The following IL22RA1 variants were observed in gnomAD, a reference collection of about 807,000 sequenced individuals.
IL22RA1 encodes the protein interleukin 22 receptor subunit alpha 1.
IL22RA1 carries 25 observed loss-of-function variants against 32.8 expected under a neutral mutation model. The observed-to-expected ratio is 0.76, with a 90% CI of 0.55 to 1.06. The LOEUF is 1.06. Ranked by LOEUF, IL22RA1 falls within the 50% of genes least tolerant of loss-of-function variation. The probability of loss-of-function intolerance (pLI) is 0.00; values close to 1 mark genes in which losing one functional copy is unlikely to be tolerated. For synonymous variants in IL22RA1, 305 were observed against 305.0 expected (o/e 1.00, Z 0.00); for missense variants, 709 against 727.4 (o/e 0.97, Z 0.29).
chr1:24,120,445 G>A lies in IL22RA1; in HGVS notation c.*360C>T. The A allele has an allele frequency of 5.0e-6, 1 of 201,738 alleles. No homozygotes were observed. The allele number at this position is 201,738 out of a possible 1,614,324, so 12.5% of individuals were successfully genotyped here. ...CTGGCCAGGAATGGGGCAAGGAGAG[G>A]CAAATTCCCTGAGCACTTTGAATCC... On this transcript the variant is annotated 3_prime_UTR_variant, in exon 7 of 7. Coordinates refer to ENST00000270800, the MANE Select transcript of IL22RA1 (RefSeq NM_021258.4).
intron 3 of IL22RA1, among the ~76,000 whole-genome samples, chr1:24,136,395 A>G (rs1644242651): frequency 6.6e-6 from 1 of 152,232 alleles, no homozygotes; most frequent in African/African-American, 2.4e-5. Flanking sequence ...CAGTAATTGC[A>G]GCGTGTGATC....
At chr1:24,126,561 G>A (rs1055641423) in intron 5 of IL22RA1, among the ~76,000 whole-genome samples, 3 of 152,134 alleles carry the variant, frequency 2.0e-5, no homozygotes, top group African/African-American at 2.4e-5. Context: ...TTCCTCACAC[G>A]GTACTTCTCT....
rs1456858704 is a variant in IL22RA1 at position 24,120,837 on chromosome 1, C to G, written c.1693G>C (p.Gly565Arg). The G allele has an allele frequency of 6.2e-7, 1 of 1,613,100 alleles. No individual in the cohort carries two copies. Among genetic ancestry groups the G allele is most frequent in the African/African-American group, 1.3e-5 (1 of 74,914 alleles). The stretch of plus-strand genomic sequence containing the variant: ...TCCCACTGCACAGTCAGGGCCAGGC[C>G]TCTGAAAAGAGAATCCAGTTCTGTG... ...QPTELDSLFR[G>R]LALTVQWES is the part of the protein sequence containing the mutation. Residue 565 changes from glycine to arginine, a missense_variant, in exon 7 of 7, where the codon GGC becomes CGC. Transcript: ENST00000270800.
At chr1:24,138,816 GT>G in intron 1 of IL22RA1, 102 bp from the exon 2 acceptor site, 1 of 1,426,160 alleles carries the variant, frequency 7.0e-7, no homozygotes, top group Non-Finnish European at 9.5e-7. Context: ...TTCATGCAAA[GT>G]GCCTTTGCTT....
chr1:24,122,145 C>T lies in IL22RA1; in HGVS notation c.793-408G>A, dbSNP rs139226736. Among the ~76,000 whole-genome samples the T allele has an allele frequency of 5.5e-3, 833 of 152,174 alleles. 10 individuals are homozygous for T. Among genetic ancestry groups the T allele is most frequent in the South Asian group, 0.023 (111 of 4,822 alleles). ...GGGAAAAGAAGGAGCCAGGAGAGACCGGGAGAGCTTTACAGAAAATGCTTC... is the reference window on the plus strand; with the variant it reads ...GGGAAAAGAAGGAGCCAGGAGAGACTGGGAGAGCTTTACAGAAAATGCTTC... On this transcript the variant is annotated intron_variant, in intron 6 of 6. Coordinates refer to ENST00000270800, the MANE Select transcript of IL22RA1 (RefSeq NM_021258.4).
At chr1:24,121,901 G>T (rs902613486) in intron 6 of IL22RA1, among the ~76,000 whole-genome samples, 164 bp from the exon 7 acceptor site, 1 of 152,160 alleles carries the variant, frequency 6.6e-6, no homozygotes, top group Non-Finnish European at 1.5e-5. Flanking sequence ...TCCTCTAGGT[G>T]CAAGTGCCTC....
intron 1 of IL22RA1, among the ~76,000 whole-genome samples, chr1:24,139,954 G>A (rs748476604): frequency 1.3e-5 from 2 of 152,248 alleles, no homozygotes; most frequent in Non-Finnish European, 1.5e-5. Context: ...CAATGGTGGA[G>A]GAGGCGCTCT....
intron 3 of IL22RA1, 152 bp from the exon 4 acceptor site, chr1:24,134,538 G>A (rs1644229119): frequency 3.6e-6 from 2 of 560,212 alleles, no homozygotes; most frequent in Non-Finnish European, 5.6e-6. Flanking sequence ...AACAAACAGT[G>A]AAAAGAGAAA....
intron 5 of IL22RA1, among the ~76,000 whole-genome samples, chr1:24,126,780 T>C (rs750577924): frequency 2.0e-5 from 3 of 152,110 alleles, no homozygotes; most frequent in South Asian, 4.1e-4. Context: ...CCTCCGTCTA[T>C]GAAAAGAAAC....
At chr1:24,134,162 G>A (rs752607261) in intron 4 of IL22RA1, 49 bp downstream of exon 4, 1 of 1,512,482 alleles carries the variant, frequency 6.6e-7, no homozygotes, top group Non-Finnish European at 9.0e-7. Context: ...TAATTGGGAG[G>A]GAAGAGGCTT....
At chr1:24,130,135 T>C (rs952081594) in intron 4 of IL22RA1, among the ~76,000 whole-genome samples, 19 of 152,100 alleles carry the variant, frequency 1.2e-4, no homozygotes, top group Non-Finnish European at 2.4e-4. Context: ...GGAGAGAAAA[T>C]AAAAGCAGGC....
chr1:24,122,121 G>A (rs1644128682), intron 6 of IL22RA1, among the ~76,000 whole-genome samples: 1 of 152,118 alleles, frequency 6.6e-6, no homozygotes, highest in Non-Finnish European at 1.5e-5. Context: ...GGTCAGGGTG[G>A]GAAAAGAAGG....
intron 4 of IL22RA1, among the ~76,000 whole-genome samples, chr1:24,133,564 C>A (rs1644221012): frequency 6.6e-6 from 1 of 152,152 alleles, no homozygotes. Flanking sequence ...TGCCTTCCAC[C>A]TCTTATTATT....
chr1:24,142,863 C>T (rs1346418304), intron 1 of IL22RA1, among the ~76,000 whole-genome samples, 177 bp downstream of exon 1: 1 of 152,210 alleles, frequency 6.6e-6, no homozygotes, highest in Non-Finnish European at 1.5e-5. Context: ...CTCTCATGCC[C>T]CCAGCAAACT....
At chr1:24,137,871 A>T (rs1290166679) in intron 2 of IL22RA1, among the ~76,000 whole-genome samples, 1 of 152,308 alleles carries the variant, frequency 6.6e-6, no homozygotes, top group East Asian at 1.9e-4. Context: ...TAAATTGCCC[A>T]CGTGTTTGAA....
chr1:24,121,805 T>A, intron 6 of IL22RA1, 68 bp from the exon 7 acceptor site: 1 of 1,306,362 alleles, frequency 7.7e-7, no homozygotes, highest in Non-Finnish European at 1.0e-6. Context: ...ACTGGTGATG[T>A]GGGTGGGTGA....
chr1:24,138,767 CCATG>C, intron 1 of IL22RA1, 53 bp from the exon 2 acceptor site: 1 of 1,595,070 alleles, frequency 6.3e-7, no homozygotes, highest in Non-Finnish European at 8.5e-7. Context: ...GTCACCCTGC[CCATG>C]TATGGGCTCA....
In IL22RA1 at chr1:24,120,715, G is replaced by T; in HGVS notation, c.*90C>A. ...CACCCGTCTGAGGCCAGATCGCAGAGTGTGTGGCGTGGGCAGGCATGGGAT... is the reference window on the plus strand; with the variant it reads ...CACCCGTCTGAGGCCAGATCGCAGATTGTGTGGCGTGGGCAGGCATGGGAT... On this transcript the variant is annotated 3_prime_UTR_variant, in exon 7 of 7. Transcript: ENST00000270800. 8.0e-7 allele frequency: 1 copy of T among 1,250,022 alleles called. No homozygotes were observed. The highest frequency in any genetic ancestry group is 1.1e-6 in the Non-Finnish European group (1 of 890,672). 77.4% of individuals were successfully genotyped at this position (1,250,022 alleles called of 1,614,324 possible).
chr1:24,135,370 T>G (rs1644234697), intron 3 of IL22RA1, among the ~76,000 whole-genome samples: 1 of 152,248 alleles, frequency 6.6e-6, no homozygotes, highest in South Asian at 2.1e-4. Context: ...TTTGTATATT[T>G]CTATATTTCA....
Sources: gnomAD v4.1 joint callset for allele counts (sites outside exome capture counted in the v4.1 genomes callset) on GRCh38, gnomAD v4.1.1 for gene constraint, MANE v1.5 for transcripts, NCBI Gene and HGNC (gene_info 2026-07-23, HGNC 2026-07-21) for gene names.